The following ZDHHC21 variants were observed in gnomAD, a reference collection of about 807,000 sequenced individuals.
ZDHHC21 encodes the protein zDHHC palmitoyltransferase 21.
In ZDHHC21, 15 loss-of-function variants were observed where a neutral mutation model predicts 34.6. The ratio of observed to expected loss-of-function variants is 0.43; its 90% CI spans 0.29 to 0.67. The LOEUF is 0.67. Ranked by LOEUF, ZDHHC21 falls within the 30% of genes least tolerant of loss-of-function variation. ZDHHC21 has a pLI of 0.14. For missense variants in ZDHHC21, 344 were observed against 327.7 expected, an observed-to-expected ratio of 1.05 and a Z score of -0.38; for synonymous variants, 142 against 101.8, an observed-to-expected ratio of 1.40 and a Z score of -2.38.
chr9:14,630,285 G>C (rs766756245), intron 8 of ZDHHC21, among the ~76,000 whole-genome samples: 13 of 152,090 alleles, frequency 8.5e-5, no homozygotes, highest in Admixed American at 7.9e-4. Flanking sequence ...CTTCATTAAG[G>C]GTAAACTCCA....
At chr9:14,669,327 G>T (rs1399844652) in intron 5 of ZDHHC21, among the ~76,000 whole-genome samples, 143 of 135,380 alleles carry the variant, frequency 1.1e-3, no homozygotes, top group Non-Finnish European at 1.8e-3. Context: ...CAGTTAGAAT[G>T]GCGATCATTA....
At chr9:14,664,064 A>C (rs1246275220) in intron 5 of ZDHHC21, among the ~76,000 whole-genome samples, 1 of 152,178 alleles carries the variant, frequency 6.6e-6, no homozygotes, top group South Asian at 2.1e-4. Flanking sequence ...GCGACGCAGA[A>C]GACGGGTGAT....
downstream of ZDHHC21, among the ~76,000 whole-genome samples, chr9:14,607,039 T>A (rs1376166495): frequency 6.8e-6 from 1 of 148,048 alleles, no homozygotes. Context: ...TGGGCACAAA[T>A]ATTTCTGCAC....
chr9:14,651,136 T>C (rs1831167746), intron 7 of ZDHHC21, among the ~76,000 whole-genome samples: 1 of 151,892 alleles, frequency 6.6e-6, no homozygotes, highest in Non-Finnish European at 1.5e-5. Flanking sequence ...TGCAGCTGAT[T>C]TCCAGCAGGA....
At position 14,616,761 on chromosome 9, in the gene ZDHHC21, G is replaced by C. The variant is rs1244937231; in HGVS notation, c.*2205C>G. 1 of 151,736 alleles carries C rather than the reference G, an allele frequency of 6.6e-6. No individual in the cohort carries two copies. The highest frequency in any genetic ancestry group is 1.5e-5 in the Non-Finnish European group (1 of 67,818). The allele number at this position is 151,736 out of a possible 1,614,324, so 9.4% of individuals were successfully genotyped here. On this transcript the variant is annotated 3_prime_UTR_variant, in exon 10 of 10. Coordinates refer to ENST00000380916, the MANE Select transcript of ZDHHC21 (RefSeq NM_178566.6). ...TCTTATGTATATATACTGATAGATA[G>C]CATTTCTGCATTCAAATAAAATAAG...
intron 6 of ZDHHC21, among the ~76,000 whole-genome samples, chr9:14,659,605 C>T (rs1832978641): frequency 6.6e-6 from 1 of 152,094 alleles, no homozygotes. Context: ...AACCCTAGTT[C>T]AAGACTACAA....
In ZDHHC21 at chr9:14,611,879, T is replaced by C. The variant is rs925215690; in HGVS notation, c.*7087A>G. 6.6e-6 allele frequency: 1 copy of C among 152,084 alleles called. No homozygotes were observed. Among genetic ancestry groups the C allele is most frequent in the Non-Finnish European group, 1.5e-5 (1 of 67,974 alleles). 9.4% of individuals were successfully genotyped at this position (152,084 alleles called of 1,614,324 possible). A position where few individuals can be genotyped will look rare whatever the true frequency, so the allele number is the denominator to read the frequency against. On this transcript the variant is annotated 3_prime_UTR_variant, in exon 10 of 10. Transcript: ENST00000380916. ...ACTTTTGTATCATTTAGTTGCTTTA[T>C]TCTTACATATATGAAGTAGAATTTT... is the stretch of plus-strand genomic sequence containing the variant.
At chr9:14,624,611 A>AT (rs1286786950) in intron 8 of ZDHHC21, among the ~76,000 whole-genome samples, 1 of 152,112 alleles carries the variant, frequency 6.6e-6, no homozygotes, top group Non-Finnish European at 1.5e-5. Flanking sequence ...TCACAGAAGT[A>AT]TGAATAGAAC....
intron 8 of ZDHHC21, among the ~76,000 whole-genome samples, chr9:14,639,128 T>A (rs147838105): frequency 6.6e-6 from 1 of 152,062 alleles, no homozygotes; most frequent in African/African-American, 2.4e-5. Flanking sequence ...AACAGATGAA[T>A]GAATTTTAAA....
chr9:14,684,817 A>C (rs1838017749), intron 2 of ZDHHC21, among the ~76,000 whole-genome samples: 1 of 152,232 alleles, frequency 6.6e-6, no homozygotes, highest in South Asian at 2.1e-4. Flanking sequence ...ACAAGGCTAC[A>C]GTAACCAAAA....
Position 14,674,202 on chromosome 9 carries a change from C to T in ZDHHC21, c.139G>A (p.Gly47Ser). The change falls in exon 4 of 10, where the codon GGC becomes AGC. Residue 47 changes from glycine to serine, a missense_variant. Gly to Ser is a moderately conservative substitution (Grantham distance 56). Coordinates refer to ENST00000380916, the MANE Select transcript of ZDHHC21 (RefSeq NM_178566.6). ...FPHYEEGHIP[G>S]ILIIIFYGIS... ...AGAAACTTACTTATTATTAATATGC[C>T]TGGAATATGTCCTTCTTCATAGTGA... The T allele has an allele frequency of 6.6e-7, 1 of 1,512,378 alleles. No individual in the cohort carries two copies. The highest frequency in any genetic ancestry group is 8.8e-7 in the Non-Finnish European group (1 of 1,137,564). The allele number at this position is 1,512,378 out of a possible 1,614,324, so 93.7% of individuals were successfully genotyped here.
At chr9:14,609,833 G>C (rs550364957), downstream of ZDHHC21, among the ~76,000 whole-genome samples, 2 of 151,942 alleles carry the variant, frequency 1.3e-5, no homozygotes, top group African/African-American at 4.8e-5. Flanking sequence ...TAGTACCAGA[G>C]GAAAATATCC....
chr9:14,610,593 T>C (rs1343706), downstream of ZDHHC21, among the ~76,000 whole-genome samples: 55,573 of 151,788 alleles, frequency 0.37, 10,433 homozygotes, highest in Middle Eastern at 0.43. Flanking sequence ...GACCTGCTGA[T>C]TGATTTGTCT....
intron 3 of ZDHHC21, among the ~76,000 whole-genome samples, chr9:14,674,998 A>G (rs1278379903): frequency 1.3e-5 from 2 of 151,992 alleles, no homozygotes; most frequent in East Asian, 3.9e-4. Context: ...ACTACAATAA[A>G]ACATTTTTTA....
At chr9:14,665,759 G>C (rs530310407) in intron 5 of ZDHHC21, among the ~76,000 whole-genome samples, 11 of 146,458 alleles carry the variant, frequency 7.5e-5, no homozygotes, top group African/African-American at 2.8e-4. Context: ...AGCTTCATAA[G>C]TGAAGGAGAA....
chr9:14,592,422 G>T, the ZDHHC21 span, among the ~76,000 whole-genome samples: 1 of 151,818 alleles, frequency 6.6e-6, no homozygotes, highest in Admixed American at 6.6e-5. Flanking sequence ...ACTTGTACAT[G>T]TATTTTCTGT....
chr9:14,647,629 T>C (rs1394670425), intron 7 of ZDHHC21, among the ~76,000 whole-genome samples: 1 of 151,990 alleles, frequency 6.6e-6, no homozygotes, highest in Non-Finnish European at 1.5e-5. Flanking sequence ...TTCAACTCCC[T>C]ACTTGTTTAT....
At chr9:14,664,160 C>T (rs919362298) in intron 5 of ZDHHC21, among the ~76,000 whole-genome samples, 34 of 151,976 alleles carry the variant, frequency 2.2e-4, no homozygotes, top group Non-Finnish European at 1.0e-4. Flanking sequence ...GCGCACCGTG[C>T]GCGAGCCGAA....
chr9:14,689,349 C>G (rs536827795), intron 2 of ZDHHC21, among the ~76,000 whole-genome samples: 8 of 152,132 alleles, frequency 5.3e-5, no homozygotes, highest in African/African-American at 1.7e-4. Flanking sequence ...ATCTCAGAAG[C>G]TAATAAAGAA....
Sources: allele counts gnomAD v4.1 joint callset (sites outside exome capture counted in the v4.1 genomes callset), GRCh38; gene constraint gnomAD v4.1.1; transcripts MANE v1.5; gene names NCBI Gene and HGNC (gene_info 2026-07-23, HGNC 2026-07-21).